Variants in DAB1 observed in about 807,000 individuals in gnomAD.
DAB1 encodes disabled homolog 1.
Under a neutral mutation model 64.6 loss-of-function variants are expected in DAB1, and 15 were observed. The ratio of observed to expected loss-of-function variants is 0.23; its 90% CI spans 0.16 to 0.36. DAB1 has a LOEUF of 0.36. Ranked by LOEUF, DAB1 falls within the 10% of genes least tolerant of loss-of-function variation. The pLI is 1.00. For missense variants in DAB1, 596 were observed against 706.7 expected (o/e 0.84, Z 1.78); for synonymous variants, 235 against 251.9 (o/e 0.93, Z 0.64).
intron 2 of DAB1, among the ~76,000 whole-genome samples, chr1:57,191,769 G>A (rs1473963448): frequency 1.3e-5 from 2 of 152,134 alleles, no homozygotes; most frequent in Admixed American, 6.5e-5. Context: ...CTGGTATGGA[G>A]TAGGGAGACA....
chr1:57,371,742 T>A (rs989494538), intron 1 of DAB1, among the ~76,000 whole-genome samples: 1 of 152,240 alleles, frequency 6.6e-6, no homozygotes, highest in African/African-American at 2.4e-5. Flanking sequence ...TCATTTTGTA[T>A]GTAGAACATT....
At chr1:58,106,649 C>A (rs1651656457) in intron 5 of DAB1, among the ~76,000 whole-genome samples, 1 of 152,148 alleles carries the variant, frequency 6.6e-6, no homozygotes, top group Non-Finnish European at 1.5e-5. Flanking sequence ...GACTTGGATC[C>A]CGTGCTCCTT....
At chr1:57,638,766 A>T (rs1646090691) in intron 7 of DAB1, among the ~76,000 whole-genome samples, 1 of 151,980 alleles carries the variant, frequency 6.6e-6, no homozygotes, top group Non-Finnish European at 1.5e-5. Context: ...AGGTAGAAGA[A>T]ATGGTATGGA....
intron 1 of DAB1, among the ~76,000 whole-genome samples, chr1:57,340,401 C>T (rs1269060116): frequency 6.6e-6 from 1 of 152,170 alleles, no homozygotes; most frequent in Admixed American, 6.5e-5. Flanking sequence ...CAGTGAAAAT[C>T]CATTCCACTG....
intron 1 of DAB1, among the ~76,000 whole-genome samples, chr1:57,856,635 G>A (rs1653769123): frequency 1.3e-5 from 2 of 151,844 alleles, no homozygotes; most frequent in Admixed American, 6.6e-5. Context: ...ATGGTGGTGC[G>A]CACCTGTAAT....
intron 6 of DAB1, among the ~76,000 whole-genome samples, chr1:57,717,406 A>G (rs982491103): frequency 1.3e-5 from 2 of 152,176 alleles, no homozygotes; most frequent in Admixed American, 1.3e-4. Flanking sequence ...ATTACCAAAA[A>G]GATGAAAAAT....
chr1:57,471,067 G>A (rs1356147035), intron 7 of DAB1, among the ~76,000 whole-genome samples: 3 of 152,210 alleles, frequency 2.0e-5, no homozygotes, highest in Non-Finnish European at 4.4e-5. Flanking sequence ...TCTGCAGCAA[G>A]GCAAACACTC....
chr1:57,710,186 T>C (rs1259730891), intron 6 of DAB1, among the ~76,000 whole-genome samples: 1 of 152,216 alleles, frequency 6.6e-6, no homozygotes, highest in Non-Finnish European at 1.5e-5. Context: ...TTGTAAGTTT[T>C]TGCAATTCTG....
At chr1:58,195,136 G>GAGAGAGAC (rs150055575) in intron 4 of DAB1, among the ~76,000 whole-genome samples, 1 of 151,560 alleles carries the variant, frequency 6.6e-6, no homozygotes, top group Non-Finnish European at 1.5e-5. Flanking sequence ...GAGAGAGAGA[G>GAGAGAGAC]AGAGAGACAG....
chr1:57,516,647 C>T (rs1644467206), intron 7 of DAB1, among the ~76,000 whole-genome samples: 1 of 152,176 alleles, frequency 6.6e-6, no homozygotes. Context: ...CATAATTTTC[C>T]AAGTCCCTCA....
In DAB1 at chr1:57,317,458, G is replaced by C. The variant is rs1014813360; in HGVS notation, c.-136-26292C>G. 7.9e-5 allele frequency among the ~76,000 whole-genome samples: 12 copies of C among 151,944 alleles called. No homozygotes were observed. The South Asian group carries it at 1.2e-3, about 16-fold the overall frequency. ...TGTTCTTAAAACACAATTTTTTTTA[G>C]TCACGTAAATAGAATGACCACTTTC... On this transcript the variant is annotated intron_variant, in intron 1 of 14. Coordinates refer to ENST00000371236, the MANE Select transcript of DAB1 (RefSeq NM_001365792.1).
At chr1:57,980,637 T>G (rs1400347196) in intron 5 of DAB1, among the ~76,000 whole-genome samples, 5 of 152,298 alleles carry the variant, frequency 3.3e-5, no homozygotes, top group African/African-American at 1.2e-4. Flanking sequence ...TGTCTGAAAC[T>G]GTTAGTCTTG....
chr1:58,219,734 C>T (rs1475069999), intron 4 of DAB1, among the ~76,000 whole-genome samples: 2 of 152,216 alleles, frequency 1.3e-5, no homozygotes, highest in Admixed American at 6.5e-5. Flanking sequence ...CACCACACAC[C>T]CTTGGCCAGA....
At chr1:57,739,805 C>A (rs1259885258) in intron 6 of DAB1, among the ~76,000 whole-genome samples, 2 of 151,762 alleles carry the variant, frequency 1.3e-5, no homozygotes, top group South Asian at 4.2e-4. Flanking sequence ...ACTCCAGCCT[C>A]CTCATCCTAA....
intron 4 of DAB1, among the ~76,000 whole-genome samples, chr1:58,256,948 T>C (rs1456331408): frequency 6.6e-6 from 1 of 152,232 alleles, no homozygotes; most frequent in Non-Finnish European, 1.5e-5. Context: ...CTTGAGTTGT[T>C]GTACTGAACT....
At chr1:57,413,891 T>C (rs867308384) in intron 1 of DAB1, among the ~76,000 whole-genome samples, 11 of 152,176 alleles carry the variant, frequency 7.2e-5, no homozygotes, top group Middle Eastern at 6.8e-3. Context: ...AAGACTTCAG[T>C]GGAAGAAGGA....
In DAB1 at chr1:57,015,296, G is replaced by A. The variant is rs752475579; in HGVS notation, c.1031C>T (p.Pro344Leu). ...CTGCTGAGTGGCAGGAAAGAGACCC[G>A]GCTGGCCCCATGCGATGGGCTGAGC... ...PGAQPIAWGQ[P>L]GLFPATQQPW... Residue 344 changes from proline to leucine, a missense_variant, in exon 12 of 15, where the codon CCG becomes CTG. Around this residue, in one of 3 missense-constraint regions of DAB1, gnomAD observed 377 missense variants for 400.4 expected, o/e 0.94. Coordinates refer to ENST00000371236, the MANE Select transcript of DAB1 (RefSeq NM_001365792.1). The A allele has an allele frequency of 2.4e-5, 39 of 1,614,006 alleles. No homozygotes were observed. The highest frequency in any genetic ancestry group is 3.1e-5 in the Non-Finnish European group (36 of 1,180,052).
intron 1 of DAB1, among the ~76,000 whole-genome samples, chr1:57,845,144 C>T (rs1039936224): frequency 7.2e-5 from 11 of 152,116 alleles, no homozygotes; most frequent in East Asian, 1.9e-4. Context: ...CCTTAGAAAA[C>T]CTCTAAGTTA....
intron 6 of DAB1, among the ~76,000 whole-genome samples, chr1:57,732,395 G>A (rs1647477152): frequency 6.6e-6 from 1 of 152,236 alleles, no homozygotes; most frequent in African/African-American, 2.4e-5. Context: ...ACGGCTAAGT[G>A]TCAGGATCAG....
Sources: gnomAD v4.1 joint callset for allele counts (sites outside exome capture counted in the v4.1 genomes callset) on GRCh38, gnomAD v4.1.1 for gene constraint, gnomAD v4.1.1 regional missense constraint, MANE v1.5 for transcripts, NCBI Gene and HGNC (gene_info 2026-07-23, HGNC 2026-07-21) for gene names.